The following EPHA5 variants were observed in gnomAD, a reference collection of about 807,000 sequenced individuals.
EPHA5 encodes the protein EPH receptor A5, also known as ephrin type-A receptor 5.
A neutral mutation model predicts 105.0 loss-of-function variants in EPHA5; 60 were observed. That is an observed-to-expected ratio of 0.57 (90% CI 0.46 to 0.71). The LOEUF (loss-of-function observed/expected upper bound fraction) is 0.71. Among genes scored for constraint, EPHA5 ranks in the 30% least tolerant of loss-of-function variants. The pLI is 0.00. For synonymous variants in EPHA5, 513 were observed against 449.1 expected (o/e 1.14, Z -1.80); for missense variants, 1,218 against 1,274.7 (o/e 0.96, Z 0.68).
At position 65,362,272 on chromosome 4, in the gene EPHA5, A is replaced by G. The variant is rs561328751; in HGVS notation, c.2173+2745T>C. Among the ~76,000 whole-genome samples the G allele has an allele frequency of 5.3e-5, 8 of 151,782 alleles. No homozygotes were observed. The East Asian group carries it at 1.4e-3, about 26-fold the overall frequency. ...CCTCAACTTCAATAAGAAAAGTCAC[A>G]AGATTTAGTTGCACTTATGTCTCAT... is the stretch of plus-strand genomic sequence containing the variant. On this transcript the variant is annotated intron_variant, in intron 11 of 16. Coordinates refer to ENST00000613740, the MANE Select transcript of EPHA5 (RefSeq NM_001281766.3).
chr4:65,568,519 T>G (rs1739791586), intron 3 of EPHA5, among the ~76,000 whole-genome samples: 2 of 151,266 alleles, frequency 1.3e-5, no homozygotes, highest in Non-Finnish European at 3.0e-5. Context: ...AAAATTTTTA[T>G]TAATAATTAA....
At chr4:65,329,359 A>G (rs944222698) in intron 16 of EPHA5, among the ~76,000 whole-genome samples, 2 of 151,348 alleles carry the variant, frequency 1.3e-5, no homozygotes, top group Admixed American at 6.6e-5. Flanking sequence ...ATATTTAGCT[A>G]TACATGCACG....
chr4:65,476,099 TGA>T (rs35934629), intron 5 of EPHA5, among the ~76,000 whole-genome samples: 5,290 of 137,782 alleles, frequency 0.038, 135 homozygotes, highest in East Asian at 0.13. Flanking sequence ...TCAAAATCAC[TGA>T]GAGAGAGAGA....
chr4:65,632,567 G>T (rs990590958), intron 2 of EPHA5, among the ~76,000 whole-genome samples: 1 of 148,440 alleles, frequency 6.7e-6, no homozygotes, highest in African/African-American at 2.5e-5. Flanking sequence ...GCAGCCTTTT[G>T]GTTCCAAACA....
intron 2 of EPHA5, among the ~76,000 whole-genome samples, chr4:65,628,693 A>T (rs1578626843): frequency 1.3e-5 from 2 of 152,280 alleles, no homozygotes; most frequent in Middle Eastern, 3.4e-3. Flanking sequence ...TAATGAAGTG[A>T]CTATATTTCA....
At chr4:65,341,852 A>C (rs1001791847) in intron 14 of EPHA5, among the ~76,000 whole-genome samples, 1 of 152,054 alleles carries the variant, frequency 6.6e-6, no homozygotes, top group Non-Finnish European at 1.5e-5. Context: ...TGTTACTATG[A>C]GATATGAAGC....
At chr4:65,598,415 T>C (rs901334134) in intron 3 of EPHA5, among the ~76,000 whole-genome samples, 1 of 152,220 alleles carries the variant, frequency 6.6e-6, no homozygotes, top group Admixed American at 6.5e-5. Flanking sequence ...AGTATTCTTT[T>C]ACACCTTTGC....
chr4:65,556,332 A>G (rs967279797), intron 3 of EPHA5, among the ~76,000 whole-genome samples: 1 of 152,178 alleles, frequency 6.6e-6, no homozygotes, highest in Non-Finnish European at 1.5e-5. Context: ...TCACCCTCTC[A>G]CTAGTGGAAG....
rs570046191 is a variant in EPHA5 at position 65,628,844 on chromosome 4, C to A, written c.246+14519G>T. The stretch of plus-strand genomic sequence containing the variant: ...CGCACATTCGCATGTTATAATCAAC[C>A]AAAGTCCATGCATGCCCAATATACA... On this transcript the variant is annotated intron_variant, in intron 2 of 16. Transcript: ENST00000613740. 5.3e-5 allele frequency among the ~76,000 whole-genome samples: 8 copies of A among 152,262 alleles called. No homozygotes were observed. In the East Asian group the frequency reaches 1.2e-3, roughly 22 times the overall value.
At chr4:65,449,164 A>C (rs1726841151) in intron 5 of EPHA5, among the ~76,000 whole-genome samples, 2 of 152,174 alleles carry the variant, frequency 1.3e-5, no homozygotes, top group Admixed American at 1.3e-4. Flanking sequence ...ATTCCTAAGT[A>C]AAAGATTGTT....
At position 65,656,254 on chromosome 4, in the gene EPHA5, G is replaced by A. The variant is rs147512193; in HGVS notation, c.182-12827C>T. Among the ~76,000 whole-genome samples, 967 of 151,074 alleles carry A rather than the reference G, an allele frequency of 6.4e-3. 22 individuals are homozygous for A. Among genetic ancestry groups the A allele is most frequent in the Non-Finnish European group, 4.2e-3 (284 of 67,834 alleles). On this transcript the variant is annotated intron_variant, in intron 1 of 16. Coordinates refer to ENST00000613740, the MANE Select transcript of EPHA5 (RefSeq NM_001281766.3). ...GTGAAAATTAAAAATATTATTCATGGCATCCTTCAAACAAAAACACCACTG... is the reference window on the plus strand; with the variant it reads ...GTGAAAATTAAAAATATTATTCATGACATCCTTCAAACAAAAACACCACTG...
intron 3 of EPHA5, among the ~76,000 whole-genome samples, chr4:65,547,296 T>C (rs1483446796): frequency 1.0e-3 from 38 of 38,032 alleles, no homozygotes; most frequent in African/African-American, 2.8e-3. Flanking sequence ...CAAAGCCAAG[T>C]GGAAAAAAAA....
At chr4:65,533,612 T>C (rs1222045272) in intron 3 of EPHA5, among the ~76,000 whole-genome samples, 1 of 152,162 alleles carries the variant, frequency 6.6e-6, no homozygotes, top group Non-Finnish European at 1.5e-5. Context: ...CAAGAGATTT[T>C]TCCACCACAC....
At position 65,422,668 on chromosome 4, in the gene EPHA5, C is replaced by T. The variant is rs575830675; in HGVS notation, c.1403-2103G>A. Among the ~76,000 whole-genome samples the T allele has an allele frequency of 1.4e-3, 218 of 152,088 alleles. 1 individual carries two copies. The highest frequency in any genetic ancestry group is 2.5e-3 in the Non-Finnish European group (170 of 67,952). On this transcript the variant is annotated intron_variant, in intron 5 of 16. Coordinates refer to ENST00000613740, the MANE Select transcript of EPHA5 (RefSeq NM_001281766.3). Reference sequence around the variant, plus strand: ...TATGTGGAAATATTCCAAACTCTTTCCATATTGTACCTTCTGTGTTAGAGC... The same window carrying T: ...TATGTGGAAATATTCCAAACTCTTTTCATATTGTACCTTCTGTGTTAGAGC...
intron 8 of EPHA5, among the ~76,000 whole-genome samples, chr4:65,395,593 C>G (rs1157484621): frequency 6.6e-6 from 1 of 152,274 alleles, no homozygotes; most frequent in East Asian, 1.9e-4. Context: ...TATTGGCTGA[C>G]TTCTAAAGAA....
chr4:65,447,693 G>C (rs1176821272), intron 5 of EPHA5, among the ~76,000 whole-genome samples: 1 of 151,716 alleles, frequency 6.6e-6, no homozygotes, highest in African/African-American at 2.4e-5. Context: ...TACCACAGAT[G>C]AATCTATTTA....
chr4:65,518,431 A>C (rs1734319447), intron 3 of EPHA5, among the ~76,000 whole-genome samples: 1 of 151,876 alleles, frequency 6.6e-6, no homozygotes, highest in Non-Finnish European at 1.5e-5. Context: ...ACACACACAC[A>C]CACCCACACA....
At chr4:65,417,878 A>G in intron 6 of EPHA5, among the ~76,000 whole-genome samples, 1 of 152,174 alleles carries the variant, frequency 6.6e-6, no homozygotes, top group East Asian at 1.9e-4. Context: ...AATATTATAT[A>G]CATAATGAAA....
chr4:65,365,990 G>T lies in EPHA5; in HGVS notation c.1929C>A (p.His643Gln), dbSNP rs770154636. 1.9e-6 allele frequency: 3 copies of T among 1,608,986 alleles called. No homozygotes were observed. Among genetic ancestry groups the T allele is most frequent in the Non-Finnish European group, 1.7e-6 (2 of 1,176,530 alleles). ...ATGCTTCTATCTCCTTAGCAAATTCGTGGACAGCTTGATTGGGATCCTCAT... is the reference window on the plus strand; with the variant it reads ...ATGCTTCTATCTCCTTAGCAAATTCTTGGACAGCTTGATTGGGATCCTCAT... ...HTYEDPNQAV[H>Q]EFAKEIEASC... Residue 643 changes from histidine (H) to glutamine (Q), a missense_variant, in exon 10 of 17, where the codon CAC (histidine) becomes CAA (glutamine). Around this residue, in one of 3 missense-constraint regions of EPHA5, gnomAD observed 971 missense variants for 1,013.5 expected, o/e 0.96. Transcript: ENST00000613740.
Sources: allele counts gnomAD v4.1 joint callset (sites outside exome capture counted in the v4.1 genomes callset), GRCh38; gene constraint gnomAD v4.1.1; regional missense constraint gnomAD v4.1.1; transcripts MANE v1.5; gene names NCBI Gene and HGNC (gene_info 2026-07-23, HGNC 2026-07-21).